The following PDZRN3 variants were observed in gnomAD, a reference collection of about 807,000 sequenced individuals.
PDZRN3 encodes PDZ domain containing ring finger 3.
In PDZRN3, 38 loss-of-function variants were observed where a neutral mutation model predicts 85.7. That is an observed-to-expected ratio of 0.44 (90% confidence interval 0.34 to 0.58). The LOEUF (loss-of-function observed/expected upper bound fraction) is 0.58. PDZRN3 is among the 20% of genes least tolerant of loss of function. The probability of loss-of-function intolerance (pLI) is 0.01; values close to 1 mark genes in which losing one functional copy is unlikely to be tolerated. For synonymous variants in PDZRN3, 759 were observed against 638.0 expected, an observed-to-expected ratio of 1.19 and a Z score of -2.86; for missense variants, 1,629 against 1,506.4, an observed-to-expected ratio of 1.08 and a Z score of -1.35.
At chr3:73,563,715 ATTGAGTCC>A (rs1045949647) in intron 3 of PDZRN3, among the ~76,000 whole-genome samples, 1 of 152,184 alleles carries the variant, frequency 6.6e-6, no homozygotes, top group Non-Finnish European at 1.5e-5. Flanking sequence ...AACATTTACT[ATTGAGTCC>A]TTAATAGAAA....
intron 5 of PDZRN3, among the ~76,000 whole-genome samples, chr3:73,397,038 CTTT>C (rs199940941): frequency 1.4e-5 from 2 of 143,870 alleles, no homozygotes; most frequent in Admixed American, 7.0e-5. Context: ...CTTTTTCTTT[CTTT>C]TTTTTTTTTT....
chr3:73,471,065 G>A (rs1391627182), intron 3 of PDZRN3, among the ~76,000 whole-genome samples: 1 of 152,144 alleles, frequency 6.6e-6, no homozygotes, highest in Non-Finnish European at 1.5e-5. Flanking sequence ...ACCTTATTTG[G>A]AAATAGGGTC....
At chr3:73,563,589 TG>T (rs1386352139) in intron 3 of PDZRN3, among the ~76,000 whole-genome samples, 1 of 152,198 alleles carries the variant, frequency 6.6e-6, no homozygotes, top group Non-Finnish European at 1.5e-5. Context: ...ATTTGCCTGC[TG>T]TGGGCTTCTG....
chr3:73,390,873 C>A, intron 6 of PDZRN3, 145 bp downstream of exon 6: 1 of 575,152 alleles, frequency 1.7e-6, no homozygotes. Context: ...AAAGATGCAG[C>A]GCCATGGAGT....
rs562753195 is a variant in PDZRN3, at chr3:73,404,995, C to T, written c.919-600G>A. Among the ~76,000 whole-genome samples, 11 of 152,290 alleles carry T rather than the reference C, an allele frequency of 7.2e-5. No homozygotes were observed. In the South Asian group the frequency reaches 2.3e-3, roughly 32 times the overall value. ...GCTGGCTTAATTGCTGTTTTGGTTC[C>T]CACTGTGTGCAGTGCTTTGCTATTA... On this transcript the variant is annotated intron_variant, in intron 3 of 9. Transcript: ENST00000263666.
Position 73,404,429 on chromosome 3 carries a change from G to C in PDZRN3, c.919-34C>G, listed in dbSNP as rs758633906. 2.2e-5 allele frequency: 35 copies of C among 1,581,436 alleles called. No individual in the cohort carries two copies. The South Asian group carries it at 3.7e-4, about 17-fold the overall frequency. On this transcript the variant is annotated intron_variant, in intron 3 of 9. Coordinates refer to ENST00000263666, the MANE Select transcript of PDZRN3 (RefSeq NM_015009.3). Reference sequence around the variant, plus strand: ...AAATATTTAGGGTGGGACAAGGTTAGAATAAAGCAGAAAACGGAAGGACAA... The same window carrying C: ...AAATATTTAGGGTGGGACAAGGTTACAATAAAGCAGAAAACGGAAGGACAA...
intron 3 of PDZRN3, among the ~76,000 whole-genome samples, chr3:73,545,874 G>T (rs993638305): frequency 1.3e-5 from 2 of 152,178 alleles, no homozygotes; most frequent in Non-Finnish European, 2.9e-5. Context: ...TTATTGCGGG[G>T]AGGAGGGGTT....
At chr3:73,547,861 G>T (rs1008023743) in intron 3 of PDZRN3, among the ~76,000 whole-genome samples, 1 of 152,206 alleles carries the variant, frequency 6.6e-6, no homozygotes, top group African/African-American at 2.4e-5. Flanking sequence ...CAACTTCCTG[G>T]TTCTAAGAAG....
chr3:73,481,146 T>C (rs1703553160), intron 3 of PDZRN3, among the ~76,000 whole-genome samples: 1 of 152,206 alleles, frequency 6.6e-6, no homozygotes, highest in Admixed American at 6.5e-5. Context: ...CTTCTTGCTC[T>C]CTAATGATTC....
At chr3:73,427,910 CAG>C (rs1194483748) in intron 3 of PDZRN3, among the ~76,000 whole-genome samples, 22 of 152,262 alleles carry the variant, frequency 1.4e-4, no homozygotes, top group African/African-American at 5.3e-4. Context: ...GAGCGGTGCA[CAG>C]AGAGGTTAGA....
chr3:73,521,254 G>C (rs995414310), intron 3 of PDZRN3, among the ~76,000 whole-genome samples: 8 of 152,112 alleles, frequency 5.3e-5, no homozygotes, highest in Admixed American at 3.3e-4. Context: ...AAGACTTCAC[G>C]CTCTGGACAT....
At chr3:73,408,747 T>C (rs545405532) in intron 3 of PDZRN3, among the ~76,000 whole-genome samples, 113 of 152,298 alleles carry the variant, frequency 7.4e-4, no homozygotes, top group Non-Finnish European at 1.4e-3. Flanking sequence ...CAAATTTGTT[T>C]TGAATTACCT....
chr3:73,416,876 GTTTTT>G (rs146381615), intron 3 of PDZRN3, among the ~76,000 whole-genome samples: 42 of 110,390 alleles, frequency 3.8e-4, no homozygotes, highest in African/African-American at 7.3e-4. Context: ...TTTTTTTTTG[GTTTTT>G]TTTTTTTTTT....
intron 1 of PDZRN3, among the ~76,000 whole-genome samples, chr3:73,623,123 C>T (rs1341178313): frequency 6.6e-6 from 1 of 152,086 alleles, no homozygotes; most frequent in East Asian, 1.9e-4. Context: ...TCAAGGGGAC[C>T]GCTCAGGTGG....
At chr3:73,519,622 C>A (rs1166423510) in intron 3 of PDZRN3, among the ~76,000 whole-genome samples, 1 of 152,138 alleles carries the variant, frequency 6.6e-6, no homozygotes, top group Non-Finnish European at 1.5e-5. Flanking sequence ...GTTAGGCAGC[C>A]CATGTCCAGG....
intron 4 of PDZRN3, among the ~76,000 whole-genome samples, chr3:73,402,174 G>A (rs55677835): frequency 0.03 from 4,513 of 152,284 alleles, 234 homozygotes; most frequent in African/African-American, 0.1. Flanking sequence ...TTCTCAAGTC[G>A]CCCCCAGGGG....
At chr3:73,597,517 T>C (rs958928078) in intron 3 of PDZRN3, among the ~76,000 whole-genome samples, 34 of 152,130 alleles carry the variant, frequency 2.2e-4, no homozygotes, top group African/African-American at 8.2e-4. Flanking sequence ...GGAATCAAGA[T>C]TGCTAGCTCA....
intron 3 of PDZRN3, among the ~76,000 whole-genome samples, chr3:73,599,843 G>A (rs1311654565): frequency 2.0e-5 from 3 of 152,218 alleles, no homozygotes; most frequent in Non-Finnish European, 4.4e-5. Flanking sequence ...ACACAGATGT[G>A]AGAGCATCTG....
intron 8 of PDZRN3, among the ~76,000 whole-genome samples, chr3:73,386,049 TC>T (rs1228271162): frequency 6.6e-6 from 1 of 151,910 alleles, no homozygotes; most frequent in African/African-American, 2.4e-5. Flanking sequence ...CTTTCATCCA[TC>T]TCAGCTACCT....
Sources: allele counts gnomAD v4.1 joint callset (sites outside exome capture counted in the v4.1 genomes callset), GRCh38; gene constraint gnomAD v4.1.1; transcripts MANE v1.5; gene names NCBI Gene and HGNC (gene_info 2026-07-23, HGNC 2026-07-21).